The following WDR70 variants were observed in gnomAD, a reference collection of about 807,000 sequenced individuals.
WDR70 encodes WD repeat-containing protein 70.
A neutral mutation model predicts 88.6 loss-of-function variants in WDR70; 53 were observed. The ratio of observed to expected loss-of-function variants is 0.60; its 90% CI spans 0.48 to 0.75. WDR70 has a LOEUF of 0.75. Ranked by LOEUF, WDR70 falls within the 30% of genes least tolerant of loss-of-function variation. WDR70 has a pLI of 0.00. For synonymous variants in WDR70, 280 were observed against 270.0 expected, an observed-to-expected ratio of 1.04 and a Z score of -0.36; for missense variants, 610 against 823.2, an observed-to-expected ratio of 0.74 and a Z score of 3.17.
intron 10 of WDR70, among the ~76,000 whole-genome samples, chr5:37,694,671 G>A (rs926988024): frequency 6.6e-6 from 1 of 151,622 alleles, no homozygotes; most frequent in African/African-American, 2.4e-5. Context: ...ACAGGGCGGG[G>A]AACATCACAC....
chr5:37,734,973 CT>C (rs1487188036), intron 17 of WDR70, among the ~76,000 whole-genome samples: 4 of 152,024 alleles, frequency 2.6e-5, no homozygotes, highest in Non-Finnish European at 4.4e-5. Context: ...GTGTATTTTT[CT>C]TTTCTATATG....
At chr5:37,544,596 C>T (rs1297466755) in intron 9 of WDR70, among the ~76,000 whole-genome samples, 1 of 152,050 alleles carries the variant, frequency 6.6e-6, no homozygotes, top group African/African-American at 2.4e-5. Context: ...TAGTGAGAAC[C>T]AGAGGAACTT....
In WDR70 at chr5:37,703,348, G is replaced by A. The variant is rs534447905; in HGVS notation, c.1416+261G>A. ...TTCCCTCTCTGCCAAACAAATTGAG[G>A]AGTGAGGAAGATGATCATCATGTAG... On this transcript the variant is annotated intron_variant, in intron 13 of 17. Coordinates refer to ENST00000265107, the MANE Select transcript of WDR70 (RefSeq NM_018034.4). Among the ~76,000 whole-genome samples, 3 of 152,324 alleles carry A rather than the reference G, an allele frequency of 2.0e-5. No individual in the cohort carries two copies. The South Asian group carries it at 6.2e-4, about 32-fold the overall frequency.
At chr5:37,682,894 CTGT>C (rs749565106) in intron 10 of WDR70, among the ~76,000 whole-genome samples, 2 of 151,668 alleles carry the variant, frequency 1.3e-5, no homozygotes, top group African/African-American at 2.4e-5. Context: ...AATGTATGTT[CTGT>C]TGTTTTGGGT....
At chr5:37,657,365 G>A (rs575540300) in intron 10 of WDR70, among the ~76,000 whole-genome samples, 26 of 152,236 alleles carry the variant, frequency 1.7e-4, no homozygotes, top group African/African-American at 6.0e-4. Context: ...TACCCCAGTT[G>A]GAAATGCAGA....
intron 8 of WDR70, among the ~76,000 whole-genome samples, chr5:37,510,589 A>G (rs1019194978): frequency 6.6e-6 from 1 of 152,174 alleles, no homozygotes; most frequent in Non-Finnish European, 1.5e-5. Context: ...ACAAGTTACC[A>G]TGCCTGGTGG....
At chr5:37,488,377 TTATTAAATAGGTTTTC>T (rs1739959984) in intron 8 of WDR70, among the ~76,000 whole-genome samples, 1 of 152,046 alleles carries the variant, frequency 6.6e-6, no homozygotes, top group African/African-American at 2.4e-5. Context: ...AACGATTATT[TTATTAAATAGGTTTTC>T]TATGCCATTG....
At chr5:37,548,833 AG>A (rs1478201034) in intron 9 of WDR70, among the ~76,000 whole-genome samples, 1 of 152,204 alleles carries the variant, frequency 6.6e-6, no homozygotes, top group Non-Finnish European at 1.5e-5. Flanking sequence ...GGCAAGAGAT[AG>A]GGGTCTAGTT....
intron 5 of WDR70, among the ~76,000 whole-genome samples, chr5:37,426,194 C>T (rs1750118751): frequency 6.6e-6 from 1 of 151,958 alleles, no homozygotes; most frequent in Non-Finnish European, 1.5e-5. Context: ...GTCATGGAAA[C>T]CAAAAGGAAG....
At chr5:37,586,024 T>G (rs1171470289) in intron 9 of WDR70, among the ~76,000 whole-genome samples, 2 of 152,196 alleles carry the variant, frequency 1.3e-5, no homozygotes, top group African/African-American at 4.8e-5. Flanking sequence ...TTTCAAGGCC[T>G]TTTGCTCTTG....
intron 7 of WDR70, among the ~76,000 whole-genome samples, chr5:37,470,446 A>G (rs1012177582): frequency 2.0e-4 from 31 of 152,202 alleles, no homozygotes; most frequent in African/African-American, 7.5e-4. Flanking sequence ...ATTACTACCC[A>G]GATAGAAGAA....
At position 37,576,399 on chromosome 5, in the gene WDR70, C is replaced by T. The variant is rs187927075; in HGVS notation, c.918-28665C>T. Among the ~76,000 whole-genome samples the T allele has an allele frequency of 9.1e-4, 138 of 152,064 alleles. 1 individual carries two copies. The Middle Eastern group carries it at 0.014, about 15-fold the overall frequency. On this transcript the variant is annotated intron_variant, in intron 9 of 17. Transcript: ENST00000265107. Reference sequence around the variant, plus strand: ...CAGTTCAAATTCCAGAATGTCATGGCCTCAGAGATACTTACTTTTCTTGTC... The same window carrying T: ...CAGTTCAAATTCCAGAATGTCATGGTCTCAGAGATACTTACTTTTCTTGTC...
At chr5:37,565,702 G>A (rs1482766579) in intron 9 of WDR70, among the ~76,000 whole-genome samples, 1 of 152,044 alleles carries the variant, frequency 6.6e-6, no homozygotes, top group East Asian at 1.9e-4. Flanking sequence ...TTTTTAAATG[G>A]GTTCATCAAG....
At chr5:37,589,842 T>C (rs1054109065) in intron 9 of WDR70, among the ~76,000 whole-genome samples, 2 of 152,130 alleles carry the variant, frequency 1.3e-5, no homozygotes, top group Non-Finnish European at 2.9e-5. Flanking sequence ...ACTCAAGTGA[T>C]CCGCCTGCCT....
Position 37,726,926 on chromosome 5 carries a change from C to T in WDR70, c.1758C>T (p.Ser586=), listed in dbSNP as rs762008178. 1 of 1,607,152 alleles carries T rather than the reference C, an allele frequency of 6.2e-7. No individual in the cohort carries two copies. The highest frequency in any genetic ancestry group is 1.1e-5 in the South Asian group (1 of 89,620). The change falls in exon 17 of 18, where the codon TCC becomes TCT. Residue 586 remains serine (S), a synonymous_variant. Transcript: ENST00000265107. The stretch of plus-strand genomic sequence containing the variant: ...GAACCCACGGGGGCACTCTCTCTTC[C>T]TATATTGTGAAGAACATTGCTTTGG... ...RVGTHGGTLS[S]YIVKNIALDK...
chr5:37,703,059 G>A lies in WDR70; in HGVS notation c.1388G>A (p.Arg463Lys), dbSNP rs572793662. The stretch of plus-strand genomic sequence containing the variant: ...TTCTTTGAGCGTAGGACTTTCCAAA[G>A]GGTGTATGAAATAGACATCACAGAT... Reference protein sequence around the residue: ...LVFFERRTFQRVYEIDITDAS... With the variant: ...LVFFERRTFQKVYEIDITDAS... Residue 463 changes from arginine (R) to lysine (K), a missense_variant, in exon 13 of 18, where the codon AGG becomes AAG. Around this residue, in one of 4 missense-constraint regions of WDR70, gnomAD observed 254 missense variants for 300.7 expected, o/e 0.84. Coordinates refer to ENST00000265107, the MANE Select transcript of WDR70 (RefSeq NM_018034.4). The A allele has an allele frequency of 1.2e-6, 2 of 1,613,156 alleles. No homozygotes were observed. Among genetic ancestry groups the A allele is most frequent in the Admixed American group, 1.7e-5 (1 of 60,006 alleles).
chr5:37,536,625 TGA>T (rs1006305895), intron 9 of WDR70, among the ~76,000 whole-genome samples: 9 of 152,158 alleles, frequency 5.9e-5, no homozygotes, highest in African/African-American at 1.9e-4. Flanking sequence ...TCATAGGTGT[TGA>T]ACTTCATCAA....
intron 8 of WDR70, among the ~76,000 whole-genome samples, chr5:37,491,256 G>C (rs932695029): frequency 6.6e-6 from 1 of 152,104 alleles, no homozygotes; most frequent in Non-Finnish European, 1.5e-5. Flanking sequence ...TCACTTCTCT[G>C]CTGAATTCCA....
rs11335326 is a variant in WDR70, at chr5:37,392,177, GTT to G, written c.296+73_296+74del. 0.011 allele frequency: 14,315 copies of G among 1,303,016 alleles called. 352 individuals carry two copies. The African/African-American group carries it at 0.13, about 12-fold the overall frequency. 80.7% of individuals were successfully genotyped at this position (1,303,016 alleles called of 1,614,324 possible). On this transcript the variant is annotated intron_variant, in intron 4 of 17. Coordinates refer to ENST00000265107, the MANE Select transcript of WDR70 (RefSeq NM_018034.4). Reference sequence around the variant, plus strand: ...CTATCAGTTTCTAGGTGTTTATAGAGTTTTTTTTTTTTTTTTTAATTTTTTTG... The same window carrying G: ...CTATCAGTTTCTAGGTGTTTATAGAGTTTTTTTTTTTTTTTAATTTTTTTG...
Sources: allele counts gnomAD v4.1 joint callset (sites outside exome capture counted in the v4.1 genomes callset), GRCh38; gene constraint gnomAD v4.1.1; regional missense constraint gnomAD v4.1.1; transcripts MANE v1.5; gene names NCBI Gene and HGNC (gene_info 2026-07-23, HGNC 2026-07-21).